Variants in THSD4 observed in about 807,000 individuals in gnomAD.
THSD4 encodes thrombospondin type 1 domain containing 4.
In THSD4, 69 loss-of-function variants were observed where a neutral mutation model predicts 119.0. That is an observed-to-expected ratio of 0.58 (90% confidence interval 0.48 to 0.71). The LOEUF is 0.71. Among genes scored for constraint, THSD4 ranks in the 30% least tolerant of loss-of-function variants. The probability of loss-of-function intolerance (pLI) is 0.00; values close to 1 mark genes in which losing one functional copy is unlikely to be tolerated. For synonymous variants in THSD4, 524 were observed against 540.4 expected (o/e 0.97, Z 0.42); for missense variants, 1,393 against 1,391.1 (o/e 1.00, Z -0.02).
intron 7 of THSD4, among the ~76,000 whole-genome samples, chr15:71,651,917 T>C (rs150930579): frequency 1.3e-5 from 2 of 152,328 alleles, no homozygotes; most frequent in African/African-American, 4.8e-5. Context: ...TTTGGCTGTG[T>C]GTTAAGGAAA....
In THSD4 at chr15:71,772,861, T is replaced by C. The variant is rs1194983207; in HGVS notation, c.2914+1653T>C. Among the ~76,000 whole-genome samples the C allele has an allele frequency of 3.3e-5, 5 of 152,058 alleles. No homozygotes were observed. The East Asian group carries it at 5.8e-4, about 18-fold the overall frequency. On this transcript the variant is annotated intron_variant, in intron 17 of 17. Coordinates refer to ENST00000261862, the MANE Select transcript of THSD4 (RefSeq NM_024817.3). ...CCTTTAAAAATATAAAATATATAAA[T>C]GTCTAATGGATTAAAGACTCTAACA...
At chr15:71,109,972 A>G (rs2040291740) in intron 1 of THSD4, among the ~76,000 whole-genome samples, 2 of 152,206 alleles carry the variant, frequency 1.3e-5, no homozygotes, top group African/African-American at 4.8e-5. Context: ...CTGAGATTTT[A>G]TAAAAATTAA....
At chr15:71,661,954 G>A (rs183458919) in intron 8 of THSD4, among the ~76,000 whole-genome samples, 2 of 152,262 alleles carry the variant, frequency 1.3e-5, no homozygotes, top group Admixed American at 1.3e-4. Context: ...AGCAGGCACA[G>A]AGAGATTATG....
At chr15:71,583,895 G>C (rs961981568) in intron 7 of THSD4, among the ~76,000 whole-genome samples, 1 of 152,124 alleles carries the variant, frequency 6.6e-6, no homozygotes, top group Non-Finnish European at 1.5e-5. Flanking sequence ...TTGGTAGAAT[G>C]TTCTGCACAT....
intron 6 of THSD4, among the ~76,000 whole-genome samples, chr15:71,332,077 C>T (rs2045427809): frequency 6.6e-6 from 1 of 152,120 alleles, no homozygotes; most frequent in South Asian, 2.1e-4. Context: ...GGAGGGTCCA[C>T]AATGCCATCA....
intron 4 of THSD4, among the ~76,000 whole-genome samples, chr15:71,231,951 A>T (rs1453497080): frequency 6.6e-6 from 1 of 152,132 alleles, no homozygotes; most frequent in African/African-American, 2.4e-5. Flanking sequence ...TTAGCACATG[A>T]TATCCTTTCT....
intron 7 of THSD4, chr15:71,547,417 T>A (rs2048853774): frequency 6.5e-7 from 1 of 1,550,370 alleles, no homozygotes; most frequent in Non-Finnish European, 8.7e-7. Flanking sequence ...ATAATGTTTG[T>A]CAGCTACCTG....
At chr15:71,111,043 G>T, upstream of THSD4, 1 of 1,282,440 alleles carries the variant, frequency 7.8e-7, no homozygotes, top group Non-Finnish European at 1.1e-6. Flanking sequence ...TCGGATCCGG[G>T]TGATGCCTCT....
chr15:71,614,230 C>G (rs956469229), intron 7 of THSD4, among the ~76,000 whole-genome samples: 2 of 152,224 alleles, frequency 1.3e-5, no homozygotes, highest in African/African-American at 4.8e-5. Context: ...CCACTTCTTG[C>G]ATTTCCTCGC....
chr15:71,503,469 A>C (rs1208325949), intron 7 of THSD4, among the ~76,000 whole-genome samples: 1 of 152,026 alleles, frequency 6.6e-6, no homozygotes, highest in Non-Finnish European at 1.5e-5. Context: ...TCATGACCTC[A>C]CCTTAGCATA....
intron 7 of THSD4, among the ~76,000 whole-genome samples, chr15:71,534,921 T>C (rs1431462257): frequency 1.4e-5 from 2 of 143,866 alleles, no homozygotes; most frequent in Non-Finnish European, 3.1e-5. Context: ...GATTGTTCCC[T>C]GAACTCCATC....
chr15:71,567,182 C>T (rs1193406718), intron 7 of THSD4, among the ~76,000 whole-genome samples: 4 of 152,274 alleles, frequency 2.6e-5, no homozygotes, highest in Non-Finnish European at 5.9e-5. Context: ...ACGTTGCAAT[C>T]ATGGTGTTTC....
chr15:71,597,317 T>C (rs1445592531), intron 7 of THSD4, among the ~76,000 whole-genome samples: 2 of 152,204 alleles, frequency 1.3e-5, no homozygotes, highest in Admixed American at 1.3e-4. Flanking sequence ...TTGATATGTA[T>C]TATACCTTGC....
At chr15:71,657,961 A>G (rs1344702831) in intron 7 of THSD4, among the ~76,000 whole-genome samples, 1 of 152,142 alleles carries the variant, frequency 6.6e-6, no homozygotes, top group African/African-American at 2.4e-5. Flanking sequence ...TTCCATTCTA[A>G]CTGGGCTGGG....
chr15:71,110,723 C>T (rs1305035896), upstream of THSD4: 2 of 181,124 alleles, frequency 1.1e-5, no homozygotes, highest in Non-Finnish European at 2.4e-5. Context: ...GGAGAGTCCC[C>T]TGCCTTCCTC....
intron 4 of THSD4, among the ~76,000 whole-genome samples, chr15:71,233,687 C>T (rs887127089): frequency 2.6e-5 from 4 of 152,154 alleles, no homozygotes; most frequent in African/African-American, 9.7e-5. Flanking sequence ...TTTAAGGATA[C>T]TTAGATTGTC....
At chr15:71,112,456 G>A (rs908887625), upstream of THSD4, among the ~76,000 whole-genome samples, 3 of 152,212 alleles carry the variant, frequency 2.0e-5, no homozygotes, top group Admixed American at 6.5e-5. Flanking sequence ...AGGGCCAGTG[G>A]ATAATAATTA....
At chr15:71,190,960 C>A (rs2043666450) in intron 3 of THSD4, among the ~76,000 whole-genome samples, 1 of 152,148 alleles carries the variant, frequency 6.6e-6, no homozygotes, top group Non-Finnish European at 1.5e-5. Flanking sequence ...GCCACTCATG[C>A]TTTACTAAAT....
chr15:71,636,338 G>C (rs1461081467), intron 7 of THSD4, among the ~76,000 whole-genome samples: 1 of 152,020 alleles, frequency 6.6e-6, no homozygotes, highest in African/African-American at 2.4e-5. Flanking sequence ...CATGAGAATC[G>C]CTTGAACCTG....
Sources: allele counts gnomAD v4.1 joint callset (sites outside exome capture counted in the v4.1 genomes callset), GRCh38; gene constraint gnomAD v4.1.1; transcripts MANE v1.5; gene names NCBI Gene and HGNC (gene_info 2026-07-23, HGNC 2026-07-21).